Variants in CHSY3 observed in about 807,000 individuals in gnomAD.
CHSY3 encodes the protein chondroitin sulfate synthase 3.
CHSY3 carries 35 observed loss-of-function variants against 67.2 expected under a neutral mutation model. The observed-to-expected ratio is 0.52, with a 90% CI of 0.40 to 0.69. The LOEUF (loss-of-function observed/expected upper bound fraction) is 0.69. Ranked by LOEUF, CHSY3 falls within the 30% of genes least tolerant of loss-of-function variation. The pLI is 0.00. For synonymous variants in CHSY3, 474 were observed against 434.7 expected (o/e 1.09, Z -1.12); for missense variants, 1,069 against 1,138.5 (o/e 0.94, Z 0.88).
chr5:130,018,528 G>T (rs1057167544), intron 2 of CHSY3, among the ~76,000 whole-genome samples: 2 of 152,098 alleles, frequency 1.3e-5, no homozygotes, highest in Non-Finnish European at 2.9e-5. Flanking sequence ...TGGCTTTTAT[G>T]CTTCTACATA....
intron 2 of CHSY3, among the ~76,000 whole-genome samples, chr5:129,924,382 T>C (rs244742): frequency 0.49 from 74,183 of 151,842 alleles, 18,900 homozygotes; most frequent in Middle Eastern, 0.59. Context: ...GCGCAGTGGC[T>C]CATGCCTGTA....
Position 130,070,549 on chromosome 5 carries a change from A to G in CHSY3, c.1087-113680A>G, listed in dbSNP as rs185992659. On this transcript the variant is annotated intron_variant, in intron 2 of 2. Coordinates refer to ENST00000305031, the MANE Select transcript of CHSY3 (RefSeq NM_175856.5). ...ATATCTTCTTAAGTACAAATGTTCAATTAACTATAGAAATCATAATGCAGT... is the reference window on the plus strand; with the variant it reads ...ATATCTTCTTAAGTACAAATGTTCAGTTAACTATAGAAATCATAATGCAGT... Among the ~76,000 whole-genome samples the G allele has an allele frequency of 6.6e-5, 10 of 152,232 alleles. No individual in the cohort carries two copies. The East Asian group carries it at 1.7e-3, about 26-fold the overall frequency.
chr5:130,129,396 A>G (rs953685754), intron 2 of CHSY3, among the ~76,000 whole-genome samples: 1 of 152,142 alleles, frequency 6.6e-6, no homozygotes, highest in Non-Finnish European at 1.5e-5. Flanking sequence ...GTAAGGTGCA[A>G]ACTTTTAGGT....
intron 2 of CHSY3, among the ~76,000 whole-genome samples, chr5:130,056,644 G>T (rs1765539597): frequency 6.6e-6 from 1 of 152,110 alleles, no homozygotes; most frequent in Admixed American, 6.6e-5. Flanking sequence ...TAAAGTAAAT[G>T]TCATTTTTAT....
intron 2 of CHSY3, among the ~76,000 whole-genome samples, chr5:130,122,264 G>C (rs62393178): frequency 6.6e-6 from 1 of 151,986 alleles, no homozygotes; most frequent in South Asian, 2.1e-4. Context: ...TTGTTTTCCT[G>C]TCTTTATATA....
chr5:130,177,954 T>C (rs1770105833), intron 2 of CHSY3, among the ~76,000 whole-genome samples: 1 of 151,812 alleles, frequency 6.6e-6, no homozygotes. Context: ...TTTTTTGTCT[T>C]TTTGCTTAAC....
chr5:130,004,514 G>T (rs1763818229), intron 2 of CHSY3, among the ~76,000 whole-genome samples: 2 of 152,066 alleles, frequency 1.3e-5, no homozygotes. Context: ...CCATTTATTT[G>T]CCTGTTTGTC....
chr5:129,946,650 A>G (rs1273907868), intron 2 of CHSY3, among the ~76,000 whole-genome samples: 1 of 152,098 alleles, frequency 6.6e-6, no homozygotes, highest in African/African-American at 2.4e-5. Flanking sequence ...TGCCATTTCT[A>G]TGAGTTTGAC....
At chr5:129,968,350 C>T (rs550000232) in intron 2 of CHSY3, among the ~76,000 whole-genome samples, 1 of 151,910 alleles carries the variant, frequency 6.6e-6, no homozygotes, top group East Asian at 1.9e-4. Flanking sequence ...TACAGATGAA[C>T]ACTTAAATCC....
rs192255863 is a variant in CHSY3 at position 130,162,689 on chromosome 5, C to A, written c.1087-21540C>A. Among the ~76,000 whole-genome samples the A allele has an allele frequency of 7.2e-5, 11 of 152,212 alleles. No individual in the cohort carries two copies. The East Asian group carries it at 2.1e-3, about 29-fold the overall frequency. ...AGCTAGGACTACAGGTGCCTGCCAC[C>A]ACACCTGGCTCATATCTTTTTTTTA... On this transcript the variant is annotated intron_variant, in intron 2 of 2. Transcript: ENST00000305031.
chr5:130,126,317 G>C (rs956097339), intron 2 of CHSY3, among the ~76,000 whole-genome samples: 1 of 151,996 alleles, frequency 6.6e-6, no homozygotes, highest in Non-Finnish European at 1.5e-5. Context: ...TAGGTCTTAG[G>C]CTGTAACATT....
intron 2 of CHSY3, among the ~76,000 whole-genome samples, chr5:130,022,356 A>G (rs1478002911): frequency 6.6e-6 from 1 of 152,048 alleles, no homozygotes; most frequent in Non-Finnish European, 1.5e-5. Context: ...TAAGTATTGT[A>G]CTAAGAAACT....
In CHSY3 at chr5:130,013,422, G is replaced by A. The variant is rs145380141; in HGVS notation, c.1086+105062G>A. ...TGCCCCAGCAGAGATTCTCCATGAGGGCTCTGCCCGTGCAGCAAGCTTCTG... is the reference window on the plus strand; with the variant it reads ...TGCCCCAGCAGAGATTCTCCATGAGAGCTCTGCCCGTGCAGCAAGCTTCTG... On this transcript the variant is annotated intron_variant, in intron 2 of 2. Coordinates refer to ENST00000305031, the MANE Select transcript of CHSY3 (RefSeq NM_175856.5). Among the ~76,000 whole-genome samples the A allele has an allele frequency of 6.2e-3, 946 of 152,310 alleles. 4 individuals carry two copies. Among genetic ancestry groups the A allele is most frequent in the Middle Eastern group, 0.01 (3 of 294 alleles).
At chr5:129,941,600 G>T (rs77066064) in intron 2 of CHSY3, among the ~76,000 whole-genome samples, 3,264 of 152,240 alleles carry the variant, frequency 0.021, 107 homozygotes, top group African/African-American at 0.072. Context: ...TCTAACAAGT[G>T]AAGATTACCA....
At chr5:129,994,495 T>A (rs936193520) in intron 2 of CHSY3, among the ~76,000 whole-genome samples, 5 of 152,188 alleles carry the variant, frequency 3.3e-5, no homozygotes, top group African/African-American at 1.2e-4. Flanking sequence ...TTCTTCCAGT[T>A]GATCGCATCA....
chr5:129,971,647 G>A (rs1204799231), intron 2 of CHSY3, among the ~76,000 whole-genome samples: 2 of 151,732 alleles, frequency 1.3e-5, no homozygotes, highest in African/African-American at 2.4e-5. Context: ...AAAGTTTCAG[G>A]GTCAAGTTTA....
Position 130,184,794 on chromosome 5 carries a change from G to A in CHSY3, c.1652G>A (p.Arg551Lys). ...LLLLYKRHKG[R>K]KLTVPVRRHA... is the part of the protein sequence containing the mutation. The stretch of plus-strand genomic sequence containing the variant: ...CTTTTATACAAAAGACACAAGGGAA[G>A]GAAACTGACTGTGCCAGTGAGACGT... The change falls in exon 3 of 3, where the codon AGG (arginine) becomes AAG (lysine). Residue 551 changes from arginine to lysine, a missense_variant. Physicochemically the swap from Arg to Lys is conservative, Grantham distance 26. Coordinates refer to ENST00000305031, the MANE Select transcript of CHSY3 (RefSeq NM_175856.5). The A allele has an allele frequency of 6.2e-7, 1 of 1,608,732 alleles. No individual in the cohort carries two copies.
At chr5:129,993,640 C>T (rs1202396423) in intron 2 of CHSY3, among the ~76,000 whole-genome samples, 13 of 152,080 alleles carry the variant, frequency 8.5e-5, no homozygotes, top group South Asian at 2.1e-4. Flanking sequence ...ATACAGCACA[C>T]GGATGGGTCT....
chr5:130,121,664 A>G (rs555638181), intron 2 of CHSY3, among the ~76,000 whole-genome samples: 1 of 152,342 alleles, frequency 6.6e-6, no homozygotes, highest in East Asian at 1.9e-4. Flanking sequence ...AATATTGTTT[A>G]GTATACTTGA....
Sources: gnomAD v4.1 joint callset for allele counts (sites outside exome capture counted in the v4.1 genomes callset) on GRCh38, gnomAD v4.1.1 for gene constraint, MANE v1.5 for transcripts, NCBI Gene and HGNC (gene_info 2026-07-23, HGNC 2026-07-21) for gene names.